NAALAD2: variants seen among roughly 807,000 people sequenced by gnomAD.
NAALAD2 encodes N-acetylated-alpha-linked acidic dipeptidase 2.
A neutral mutation model predicts 95.6 loss-of-function variants in NAALAD2; 89 were observed. The observed-to-expected ratio is 0.93, with a 90% CI of 0.78 to 1.11. NAALAD2 has a LOEUF of 1.11. Among genes scored for constraint, NAALAD2 ranks in the 50% least tolerant of loss-of-function variants. The pLI, the probability that NAALAD2 is intolerant of heterozygous loss-of-function variation, is 0.00. For missense variants in NAALAD2, 894 were observed against 872.4 expected (o/e 1.02, Z -0.31); for synonymous variants, 264 against 294.4 (o/e 0.90, Z 1.06).
chr11:90,144,210 G>A (rs773832593), intron 2 of NAALAD2, among the ~76,000 whole-genome samples: 3 of 152,122 alleles, frequency 2.0e-5, no homozygotes, highest in Admixed American at 6.6e-5. Context: ...TGAATGAAGA[G>A]GCATGACTCA....
rs147478941 is a variant in NAALAD2, at chr11:90,172,945, TCA to T, written c.1411-876_1411-875del. Among the ~76,000 whole-genome samples the T allele has an allele frequency of 7.9e-3, 1,197 of 152,266 alleles. 15 individuals are homozygous for T. Among genetic ancestry groups the T allele is most frequent in the African/African-American group, 0.026 (1,098 of 41,558 alleles). On this transcript the variant is annotated intron_variant, in intron 13 of 18. Coordinates refer to ENST00000534061, the MANE Select transcript of NAALAD2 (RefSeq NM_005467.4). ...ACAAATACACCAAGTTATAATGCTT[TCA>T]CAGTTACTTAAGTAGGGTCTGCCTT...
chr11:90,170,895 A>T (rs1952613660), intron 13 of NAALAD2, among the ~76,000 whole-genome samples: 1 of 152,210 alleles, frequency 6.6e-6, no homozygotes, highest in South Asian at 2.1e-4. Context: ...GGTGGGAAAG[A>T]TGGTAAGAAA....
chr11:90,180,691 G>A (rs969385462), intron 16 of NAALAD2, among the ~76,000 whole-genome samples: 7 of 151,930 alleles, frequency 4.6e-5, no homozygotes, highest in African/African-American at 1.7e-4. Flanking sequence ...TTAAAGTCCT[G>A]TGTAGAAAAT....
At chr11:90,148,154 G>A (rs1951794910) in intron 3 of NAALAD2, among the ~76,000 whole-genome samples, 5 of 152,118 alleles carry the variant, frequency 3.3e-5, no homozygotes, top group Admixed American at 3.3e-4. Flanking sequence ...GTGGCTAGAG[G>A]GGCATTTTAG....
chr11:90,185,859 T>A (rs1340047921), intron 18 of NAALAD2, among the ~76,000 whole-genome samples: 1 of 58,706 alleles, frequency 1.7e-5, no homozygotes. Flanking sequence ...GGGTAAACAC[T>A]TTTTTTTTTT....
intron 6 of NAALAD2, 108 bp from the exon 7 acceptor site, chr11:90,158,037 C>T: frequency 3.6e-6 from 3 of 836,116 alleles, no homozygotes; most frequent in Middle Eastern, 3.0e-4. Flanking sequence ...TTAATTTTGG[C>T]ATAATTGCAA....
At position 90,145,527 on chromosome 11, in the gene NAALAD2, A is replaced by G. The variant is rs191176512; in HGVS notation, c.195-1803A>G. Among the ~76,000 whole-genome samples, 109 of 152,342 alleles carry G rather than the reference A, an allele frequency of 7.2e-4. 2 individuals are homozygous for G. Among genetic ancestry groups the G allele is most frequent in the East Asian group, 1.7e-3 (9 of 5,192 alleles). ...CTGTTTTGCTTTTTTATTCCTATAC[A>G]TATAAAATAACTTCTGTCTGAACAC... On this transcript the variant is annotated intron_variant, in intron 2 of 18. Coordinates refer to ENST00000534061, the MANE Select transcript of NAALAD2 (RefSeq NM_005467.4).
chr11:90,153,794 C>T (rs1366295221), intron 6 of NAALAD2, among the ~76,000 whole-genome samples: 2 of 152,002 alleles, frequency 1.3e-5, no homozygotes, highest in Non-Finnish European at 2.9e-5. Flanking sequence ...TATCCACAAA[C>T]ATTTCATAGT....
rs1952975756 is a variant in NAALAD2, at chr11:90,181,700, A to G, written c.1939A>G (p.Asn647Asp). Reference protein sequence around the residue: ...HKRLIQVDLNNPIAVRMMNDQ... With the variant: ...HKRLIQVDLNDPIAVRMMNDQ... The stretch of plus-strand genomic sequence containing the variant: ...ACGACTTATACAAGTTGATCTTAAC[A>G]AGTAAGTTTCAAATCCCTTTTTTTT... The change falls in exon 17 of 19, where the codon AAT (asparagine) becomes GAT (aspartate). Residue 647 changes from asparagine to aspartate, a missense_variant and splice_region_variant. Coordinates refer to ENST00000534061, the MANE Select transcript of NAALAD2 (RefSeq NM_005467.4). The G allele has an allele frequency of 6.4e-7, 1 of 1,567,176 alleles. No individual in the cohort carries two copies. The highest frequency in any genetic ancestry group is 8.7e-7 in the Non-Finnish European group (1 of 1,155,826).
In NAALAD2 at chr11:90,177,980, T is replaced by C. The variant is rs769905592; in HGVS notation, c.1721T>C (p.Val574Ala). Residue 574 changes from valine (V) to alanine (A), a missense_variant, in exon 16 of 19, where the codon GTA becomes GCA. Coordinates refer to ENST00000534061, the MANE Select transcript of NAALAD2 (RefSeq NM_005467.4). ...GTGGCTCAATTACGAGGAGCACTGG[T>C]ATATGAGCTTGTGGATTCTAAAATC... ...LSVAQLRGAL[V>A]YELVDSKIIP... 3.7e-6 allele frequency: 6 copies of C among 1,613,808 alleles called. No individual in the cohort carries two copies. The African/African-American group carries it at 4.0e-5, about 11-fold the overall frequency.
At chr11:90,183,115 T>A in intron 18 of NAALAD2, 107 bp downstream of exon 18, 1 of 704,426 alleles carries the variant, frequency 1.4e-6, no homozygotes, top group Non-Finnish European at 2.6e-6. Flanking sequence ...ATATGTACAC[T>A]CTAGGGAATT....
intron 14 of NAALAD2, among the ~76,000 whole-genome samples, chr11:90,174,219 T>C (rs7929388): frequency 0.42 from 63,362 of 151,566 alleles, 13,559 homozygotes; most frequent in African/African-American, 0.5. Flanking sequence ...TAATCCCAGT[T>C]ACTCAGGAGG....
In NAALAD2 at chr11:90,159,034, A is replaced by G. The variant is rs1590987266; in HGVS notation, c.891-205A>G. 1.1e-5 allele frequency: 6 copies of G among 539,404 alleles called. No individual in the cohort carries two copies. In the East Asian group the frequency reaches 2.0e-4, roughly 18 times the overall value. 33.4% of individuals were successfully genotyped at this position (539,404 alleles called of 1,614,324 possible). The stretch of plus-strand genomic sequence containing the variant: ...TTCTCTTTGCTCTCATCACTAACAT[A>G]TTACGTATTTTACTTACTGATTTCA... On this transcript the variant is annotated intron_variant, in intron 7 of 18. Transcript: ENST00000534061.
chr11:90,175,928 ATGTGTGTG>A, intron 14 of NAALAD2, 36 bp from the exon 15 acceptor site: 2 of 971,986 alleles, frequency 2.1e-6, no homozygotes, highest in South Asian at 1.4e-5. Flanking sequence ...TTACTTGTTT[ATGTGTGTG>A]TGTGTGTGTG....
intron 4 of NAALAD2, 118 bp from the exon 5 acceptor site, chr11:90,150,364 C>T (rs2134866009): frequency 2.1e-6 from 1 of 470,984 alleles, no homozygotes; most frequent in Non-Finnish European, 3.5e-6. Context: ...CTGTTTATTA[C>T]TCCCCAAATA....
intron 2 of NAALAD2, among the ~76,000 whole-genome samples, chr11:90,144,750 A>C (rs1951709193): frequency 6.6e-6 from 1 of 150,914 alleles, no homozygotes; most frequent in Non-Finnish European, 1.5e-5. Flanking sequence ...TAAAAAAAAA[A>C]AAAAACGGAA....
At chr11:90,191,430 G>A in intron 18 of NAALAD2, 128 bp from the exon 19 acceptor site, 1 of 552,996 alleles carries the variant, frequency 1.8e-6, no homozygotes, top group Non-Finnish European at 2.9e-6. Context: ...AAGTATCTCA[G>A]ATCAACTGTC....
chr11:90,136,355 T>C (rs1293154816), intron 2 of NAALAD2, among the ~76,000 whole-genome samples: 1 of 152,198 alleles, frequency 6.6e-6, no homozygotes, highest in Non-Finnish European at 1.5e-5. Context: ...TTGAGAGTTA[T>C]GACAGACGTA....
At chr11:90,166,828 C>G (rs1952466236) in intron 11 of NAALAD2, among the ~76,000 whole-genome samples, 1 of 129,824 alleles carries the variant, frequency 7.7e-6, no homozygotes, top group Non-Finnish European at 1.6e-5. Context: ...GAGCAAGATT[C>G]TGTCTCCAAA....
Sources: allele counts gnomAD v4.1 joint callset (sites outside exome capture counted in the v4.1 genomes callset), GRCh38; gene constraint gnomAD v4.1.1; transcripts MANE v1.5; gene names NCBI Gene and HGNC (gene_info 2026-07-23, HGNC 2026-07-21).